PCDH15: variants seen among roughly 807,000 people sequenced by gnomAD.
The protein encoded by PCDH15 is protocadherin-15.
A neutral mutation model predicts 178.5 loss-of-function variants in PCDH15; 129 were observed. The ratio of observed to expected loss-of-function variants is 0.72; its 90% CI spans 0.63 to 0.84. PCDH15 has a LOEUF of 0.84. PCDH15 is among the 40% of genes least tolerant of loss of function. The pLI is 0.00. For missense variants in PCDH15, 2,230 were observed against 2,099.9 expected, an observed-to-expected ratio of 1.06 and a Z score of -1.21; for synonymous variants, 800 against 732.0, an observed-to-expected ratio of 1.09 and a Z score of -1.50.
At chr10:55,025,509 AT>A (rs556606933) in intron 2 of PCDH15, among the ~76,000 whole-genome samples, 54 of 152,232 alleles carry the variant, frequency 3.5e-4, no homozygotes, top group African/African-American at 1.3e-3. Flanking sequence ...GACTTTAATC[AT>A]TTTGAAAATT....
At chr10:55,528,846 G>C (rs543249958) in intron 2 of PCDH15, among the ~76,000 whole-genome samples, 183 of 152,228 alleles carry the variant, frequency 1.2e-3, no homozygotes, top group African/African-American at 4.1e-3. Context: ...CCCACCAACA[G>C]TGTAAAACTG....
chr10:55,459,068 A>G (rs943573885), intron 2 of PCDH15, among the ~76,000 whole-genome samples: 5 of 151,942 alleles, frequency 3.3e-5, no homozygotes, highest in Admixed American at 1.3e-4. Flanking sequence ...CTTAAGAACC[A>G]GATAAAGGGA....
At chr10:54,136,202 G>T (rs1437601463) in intron 14 of PCDH15, among the ~76,000 whole-genome samples, 11 of 152,092 alleles carry the variant, frequency 7.2e-5, no homozygotes, top group African/African-American at 2.2e-4. Context: ...TAGGATACAA[G>T]AATCTACAAT....
intron 8 of PCDH15, among the ~76,000 whole-genome samples, chr10:54,259,927 T>G (rs1374063717): frequency 6.6e-6 from 1 of 152,172 alleles, no homozygotes; most frequent in Non-Finnish European, 1.5e-5. Context: ...TAATCTAGAC[T>G]AAAATACATT....
intron 1 of PCDH15, among the ~76,000 whole-genome samples, chr10:55,297,909 A>C (rs1423554333): frequency 6.6e-6 from 1 of 152,040 alleles, no homozygotes; most frequent in Non-Finnish European, 1.5e-5. Context: ...CAAGCAGGAG[A>C]CTGGAGGATC....
At chr10:54,927,106 T>C (rs1837650307) in intron 2 of PCDH15, among the ~76,000 whole-genome samples, 1 of 152,088 alleles carries the variant, frequency 6.6e-6, no homozygotes, top group South Asian at 2.1e-4. Context: ...TAACACTGCC[T>C]TAGCTGTGTC....
chr10:55,005,558 T>C (rs1023932879), intron 2 of PCDH15, among the ~76,000 whole-genome samples: 1 of 152,154 alleles, frequency 6.6e-6, no homozygotes, highest in Non-Finnish European at 1.5e-5. Flanking sequence ...ACTTATCTTT[T>C]ATTATCTCAT....
intron 20 of PCDH15, among the ~76,000 whole-genome samples, chr10:54,013,348 T>C (rs2092648023): frequency 6.6e-6 from 1 of 152,084 alleles, no homozygotes; most frequent in Non-Finnish European, 1.5e-5. Flanking sequence ...AGACAGATGA[T>C]GGAGGTGACA....
At chr10:55,055,167 A>G (rs757643324) in intron 2 of PCDH15, among the ~76,000 whole-genome samples, 2 of 152,082 alleles carry the variant, frequency 1.3e-5, no homozygotes, top group Non-Finnish European at 2.9e-5. Context: ...TCAGTCTTTA[A>G]TCCATCTTGT....
chr10:54,699,016 C>T (rs1243105669), intron 1 of PCDH15, among the ~76,000 whole-genome samples: 1 of 152,044 alleles, frequency 6.6e-6, no homozygotes, highest in Non-Finnish European at 1.5e-5. Flanking sequence ...TGAGTGTGTT[C>T]ATAAAAGTAA....
chr10:53,915,411 C>T (rs2083449039), intron 25 of PCDH15, among the ~76,000 whole-genome samples: 1 of 152,142 alleles, frequency 6.6e-6, no homozygotes, highest in Non-Finnish European at 1.5e-5. Flanking sequence ...CAATAGTTTT[C>T]AAATTTAGCT....
At chr10:54,400,293 A>C (rs920459125) in intron 3 of PCDH15, among the ~76,000 whole-genome samples, 4 of 152,136 alleles carry the variant, frequency 2.6e-5, no homozygotes, top group Non-Finnish European at 5.9e-5. Flanking sequence ...GTTGATAAGA[A>C]ATGTGGGGCT....
chr10:53,953,012 G>A (rs1329132524), intron 23 of PCDH15, among the ~76,000 whole-genome samples: 1 of 152,228 alleles, frequency 6.6e-6, no homozygotes, highest in Non-Finnish European at 1.5e-5. Context: ...TCAGCTGGGT[G>A]ATTGCACCTG....
intron 2 of PCDH15, among the ~76,000 whole-genome samples, chr10:55,065,308 C>G (rs1321054735): frequency 6.6e-6 from 1 of 151,938 alleles, no homozygotes; most frequent in Non-Finnish European, 1.5e-5. Flanking sequence ...TATTGAACTC[C>G]TTTTCCCCTT....
chr10:55,049,841 G>A (rs1476669991), intron 2 of PCDH15, among the ~76,000 whole-genome samples: 1 of 151,928 alleles, frequency 6.6e-6, no homozygotes. Context: ...TTTGCATCCA[G>A]CAGAAGATCT....
chr10:54,744,818 C>T (rs913218426), intron 1 of PCDH15, among the ~76,000 whole-genome samples: 9 of 151,822 alleles, frequency 5.9e-5, no homozygotes, highest in African/African-American at 2.2e-4. Context: ...GTTTTGTGGC[C>T]GATTTAAGCA....
chr10:54,989,046 G>A (rs1281377683), intron 2 of PCDH15, among the ~76,000 whole-genome samples: 1 of 152,178 alleles, frequency 6.6e-6, no homozygotes, highest in Non-Finnish European at 1.5e-5. Flanking sequence ...GGCTGAAAGT[G>A]GCCAACATAG....
Position 55,294,343 on chromosome 10 carries a change from G to A in PCDH15, c.-156+25256C>T, listed in dbSNP as rs140598873. ...CTTATTAATGCTCTGGATTGCTCAC[G>A]GTTAGTTATGGTTATGTATAGCTAG... On this transcript the variant is annotated intron_variant, in intron 1 of 5. Coordinates refer to the PCDH15 transcript ENST00000458638. 5.6e-3 allele frequency among the ~76,000 whole-genome samples: 858 copies of A among 152,188 alleles called. 10 individuals are homozygous for A. Among genetic ancestry groups the A allele is most frequent in the African/African-American group, 0.019 (783 of 41,530 alleles).
At position 54,110,350 on chromosome 10, in the gene PCDH15, T is replaced by C. The variant is rs148832469; in HGVS notation, c.1918-20287A>G. 1.9e-3 allele frequency among the ~76,000 whole-genome samples: 280 copies of C among 149,664 alleles called. 3 individuals are homozygous for C. The highest frequency in any genetic ancestry group is 0.017 in the East Asian group (85 of 5,114). On this transcript the variant is annotated intron_variant, in intron 15 of 37. Coordinates refer to ENST00000644397, the MANE Select transcript of PCDH15 (RefSeq NM_001384140.1). ...AAAAAAAAAACTAGAGTAAATGGTA[T>C]GGGATCAGATTGGAATTGAAGTTTT...
Sources: gnomAD v4.1 joint callset for allele counts (sites outside exome capture counted in the v4.1 genomes callset) on GRCh38, gnomAD v4.1.1 for gene constraint, MANE v1.5 for transcripts, NCBI Gene and HGNC (gene_info 2026-07-23, HGNC 2026-07-21) for gene names.